Variants in CORIN observed in about 807,000 individuals in gnomAD.
The protein encoded by CORIN is atrial natriuretic peptide-converting enzyme.
CORIN carries 117 observed loss-of-function variants against 125.3 expected under a neutral mutation model. The observed-to-expected ratio is 0.93, with a 90% CI of 0.80 to 1.09. The LOEUF is 1.09. Among genes scored for constraint, CORIN ranks in the 50% least tolerant of loss-of-function variants. CORIN has a pLI of 0.00. For synonymous variants in CORIN, 450 were observed against 466.4 expected, an observed-to-expected ratio of 0.96 and a Z score of 0.45; for missense variants, 1,253 against 1,306.7, an observed-to-expected ratio of 0.96 and a Z score of 0.63.
intron 2 of CORIN, among the ~76,000 whole-genome samples, chr4:47,793,616 A>G (rs1731170458): frequency 6.6e-6 from 1 of 152,214 alleles, no homozygotes; most frequent in Non-Finnish European, 1.5e-5. Context: ...CTAACAATGA[A>G]CATTCTTACC....
chr4:47,677,830 G>A (rs556692362), intron 9 of CORIN, 108 bp downstream of exon 9: 119 of 765,760 alleles, frequency 1.6e-4, no homozygotes, highest in Non-Finnish European at 2.4e-4. Flanking sequence ...AGGCAATCTG[G>A]GATTATTTAC....
At chr4:47,750,005 G>A (rs1009282739) in intron 4 of CORIN, among the ~76,000 whole-genome samples, 1 of 152,182 alleles carries the variant, frequency 6.6e-6, no homozygotes, top group African/African-American at 2.4e-5. Context: ...CCAGTCCAGT[G>A]CTCCCAAATA....
chr4:47,625,127 A>G (rs1722498144), intron 17 of CORIN, among the ~76,000 whole-genome samples: 1 of 152,086 alleles, frequency 6.6e-6, no homozygotes, highest in African/African-American at 2.4e-5. Flanking sequence ...TATTTTTACT[A>G]ATTTATAATC....
intron 10 of CORIN, among the ~76,000 whole-genome samples, chr4:47,665,785 T>C (rs1724452308): frequency 6.6e-6 from 1 of 152,198 alleles, no homozygotes; most frequent in Non-Finnish European, 1.5e-5. Flanking sequence ...GTTGAATACT[T>C]CTCACTAATA....
intron 2 of CORIN, among the ~76,000 whole-genome samples, chr4:47,799,126 T>G (rs1451465024): frequency 1.3e-5 from 2 of 151,704 alleles, no homozygotes; most frequent in Admixed American, 1.3e-4. Context: ...TGTGTGTGTG[T>G]GTGTGTGTGT....
intron 2 of CORIN, among the ~76,000 whole-genome samples, chr4:47,789,802 T>C (rs1730982387): frequency 1.3e-5 from 2 of 151,986 alleles, no homozygotes; most frequent in South Asian, 4.2e-4. Context: ...AGGCGCATCA[T>C]GAGGTCAGGA....
chr4:47,740,850 G>A (rs1728361734), intron 5 of CORIN, among the ~76,000 whole-genome samples: 1 of 151,808 alleles, frequency 6.6e-6, no homozygotes, highest in Non-Finnish European at 1.5e-5. Context: ...CCATTCAGTG[G>A]GAAAGAATAG....
intron 16 of CORIN, among the ~76,000 whole-genome samples, chr4:47,638,540 G>A (rs1193758089): frequency 2.0e-5 from 3 of 152,168 alleles, no homozygotes; most frequent in Admixed American, 6.5e-5. Context: ...TAGTGAATAA[G>A]TTTCACAAGA....
At position 47,626,448 on chromosome 4, in the gene CORIN, C is replaced by T; in HGVS notation, c.2272G>A (p.Glu758Lys). 6.2e-7 allele frequency: 1 copy of T among 1,613,914 alleles called. No individual in the cohort carries two copies. Among genetic ancestry groups the T allele is most frequent in the South Asian group, 1.1e-5 (1 of 91,074 alleles). The part of the protein sequence containing the change: ...PRWLTLHSNW[E>K]SLNGTTLHEL... ...TGTAAAGTGGTCCCATTGAGGCTCT[C>T]CCAGTTGGAGTGTAATGTCAGCCAC... is the stretch of plus-strand genomic sequence containing the variant. Residue 758 changes from glutamate (E) to lysine (K), a missense_variant, in exon 17 of 22, where the codon GAG becomes AAG. By Grantham distance (56) the Glu-to-Lys change is moderately conservative. Coordinates refer to ENST00000273857, the MANE Select transcript of CORIN (RefSeq NM_006587.4).
At position 47,596,190 on chromosome 4, in the gene CORIN, AAT is replaced by A. The variant is rs139477439; in HGVS notation, c.2947-289_2947-288del. ...TTCAGGCATTTTCTGCACTTATAAA[AAT>A]ATGTCATAAAGTTTTTAAAAAGTAT... On this transcript the variant is annotated intron_variant, in intron 21 of 21. Coordinates refer to ENST00000273857, the MANE Select transcript of CORIN (RefSeq NM_006587.4). 1.4e-3 allele frequency among the ~76,000 whole-genome samples: 210 copies of A among 152,300 alleles called. 1 individual carries two copies. The highest frequency in any genetic ancestry group is 5.0e-3 in the African/African-American group (207 of 41,572).
intron 2 of CORIN, among the ~76,000 whole-genome samples, chr4:47,801,818 G>A (rs967228547): frequency 6.6e-6 from 1 of 152,248 alleles, no homozygotes; most frequent in African/African-American, 2.4e-5. Context: ...TTGAGGGACA[G>A]CCTAGGCCAC....
intron 2 of CORIN, among the ~76,000 whole-genome samples, chr4:47,804,791 A>C (rs1577937970): frequency 6.6e-6 from 1 of 151,980 alleles, no homozygotes; most frequent in Non-Finnish European, 1.5e-5. Context: ...AGAATGAATA[A>C]GATATTATTT....
chr4:47,739,422 TCAAACAGAAATTCTATGTA>T (rs1448777382), intron 5 of CORIN, among the ~76,000 whole-genome samples: 1 of 151,988 alleles, frequency 6.6e-6, no homozygotes, highest in East Asian at 1.9e-4. Context: ...TAAAAGACTG[TCAAACAGAAATTCTATGTA>T]CAGCAAAATA....
chr4:47,648,746 A>T (rs1460898972), intron 13 of CORIN, among the ~76,000 whole-genome samples: 3 of 152,154 alleles, frequency 2.0e-5, no homozygotes, highest in Non-Finnish European at 2.9e-5. Context: ...TTTGGAGTGG[A>T]GCCGCTCACA....
chr4:47,678,108 C>T (rs1343246929), intron 8 of CORIN, 54 bp from the exon 9 acceptor site: 1 of 1,245,178 alleles, frequency 8.0e-7, no homozygotes, highest in Non-Finnish European at 1.2e-6. Flanking sequence ...CTCTCTCAAT[C>T]TGCACATCAA....
At chr4:47,735,542 T>C (rs1425295609) in intron 5 of CORIN, among the ~76,000 whole-genome samples, 1 of 152,180 alleles carries the variant, frequency 6.6e-6, no homozygotes, top group Non-Finnish European at 1.5e-5. Flanking sequence ...AGATCATCAA[T>C]CTCTTCCAAG....
intron 5 of CORIN, among the ~76,000 whole-genome samples, chr4:47,721,417 G>C (rs1727345679): frequency 1.3e-5 from 2 of 152,110 alleles, no homozygotes; most frequent in Admixed American, 6.5e-5. Flanking sequence ...TTACAGGTGT[G>C]TGTCACCACA....
intron 1 of CORIN, among the ~76,000 whole-genome samples, chr4:47,816,093 A>G (rs1732255452): frequency 6.6e-6 from 1 of 152,222 alleles, no homozygotes; most frequent in Non-Finnish European, 1.5e-5. Flanking sequence ...ATAGAAGACA[A>G]AGTGGATTTT....
chr4:47,685,556 G>T (rs1481471483), intron 6 of CORIN, among the ~76,000 whole-genome samples: 1 of 152,108 alleles, frequency 6.6e-6, no homozygotes, highest in Non-Finnish European at 1.5e-5. Context: ...TTTTGGGGGA[G>T]ATGCAAACAT....
Sources: allele counts gnomAD v4.1 joint callset (sites outside exome capture counted in the v4.1 genomes callset), GRCh38; gene constraint gnomAD v4.1.1; transcripts MANE v1.5; gene names NCBI Gene and HGNC (gene_info 2026-07-23, HGNC 2026-07-21).